The following CELA2A variants were observed in gnomAD, a reference collection of about 807,000 sequenced individuals.
The protein encoded by CELA2A is chymotrypsin like elastase 2A, also known as chymotrypsin-like elastase family member 2A.
In CELA2A, 31 loss-of-function variants were observed where a neutral mutation model predicts 35.3. The ratio of observed to expected loss-of-function variants is 0.88; its 90% CI spans 0.66 to 1.19. CELA2A has a LOEUF of 1.19. CELA2A is among the 50% of genes most tolerant of loss of function. The pLI is 0.00. For missense variants in CELA2A, 330 were observed against 352.9 expected (o/e 0.94, Z 0.52); for synonymous variants, 150 against 149.8 (o/e 1.00, Z -0.01).
intron 6 of CELA2A, 86 bp downstream of exon 6, chr1:15,466,230 C>T: frequency 7.0e-7 from 1 of 1,435,102 alleles, no homozygotes; most frequent in Admixed American, 1.9e-5. Flanking sequence ...ATAGGTCCAT[C>T]CTCCCACCTC....
chr1:15,456,996 T>C, intron 1 of CELA2A, 90 bp from the exon 2 acceptor site: 1 of 1,388,248 alleles, frequency 7.2e-7, no homozygotes, highest in Non-Finnish European at 1.0e-6. Flanking sequence ...AACAAGGGTT[T>C]TCTATTTGGG....
intron 7 of CELA2A, among the ~76,000 whole-genome samples, chr1:15,468,409 A>T (rs72474555): frequency 6.6e-6 from 1 of 152,228 alleles, no homozygotes; most frequent in Non-Finnish European, 1.5e-5. Context: ...GTCTTGTAAA[A>T]GTAAACAACT....
In CELA2A at chr1:15,456,762, G is replaced by A; in HGVS notation, c.9G>A (p.Arg3=). ...ACTCCCACGGACACACCATGATAAG[G>A]ACGCTGCTGCTGTCCACTTTGGTGG... MI[R]TLLLSTLVAG... is the part of the protein sequence containing the mutation. Residue 3 remains arginine (R), a synonymous_variant, in exon 1 of 8, where the codon AGG becomes AGA. Coordinates refer to ENST00000359621, the MANE Select transcript of CELA2A (RefSeq NM_033440.3). The A allele has an allele frequency of 6.2e-7, 1 of 1,614,180 alleles. No homozygotes were observed. The highest frequency in any genetic ancestry group is 8.5e-7 in the Non-Finnish European group (1 of 1,180,020).
At chr1:15,465,890 T>C (rs1557518456) in intron 5 of CELA2A, 109 bp from the exon 6 acceptor site, 7 of 1,306,338 alleles carry the variant, frequency 5.4e-6, no homozygotes, top group South Asian at 2.6e-5. Context: ...GCTGTTCGCA[T>C]GTTGCAATGG....
chr1:15,461,825 T>C (rs1225640604), intron 3 of CELA2A, 167 bp downstream of exon 3: 27 of 803,630 alleles, frequency 3.4e-5, no homozygotes, highest in African/African-American at 8.5e-5. Flanking sequence ...TGTTGGCCCA[T>C]CAATGTCAGT....
chr1:15,466,283 C>G (rs938570532), intron 6 of CELA2A, 139 bp downstream of exon 6: 9 of 1,102,282 alleles, frequency 8.2e-6, no homozygotes, highest in Non-Finnish European at 1.2e-5. Flanking sequence ...ATATCTTTGG[C>G]CAGGCACGGT....
rs367740093 is a variant in CELA2A at position 15,456,805 on chromosome 1, T to C, written c.40+12T>C. 277 of 1,613,880 alleles carry C rather than the reference T, an allele frequency of 1.7e-4. No homozygotes were observed. Among genetic ancestry groups the C allele is most frequent in the Middle Eastern group, 5.0e-4 (3 of 6,058 alleles). On this transcript the variant is annotated intron_variant, in intron 1 of 7. Transcript: ENST00000359621. ...TTTGGTGGCTGGAGGTAAGTCCTGT[T>C]ACCCAGAGGCACTGGTTTCCCATGC... is the stretch of plus-strand genomic sequence containing the variant.
Position 15,462,746 on chromosome 1 carries a change from T to TACC in CELA2A, c.242_244dup (p.Tyr81_Arg82insHis). Reference sequence around the variant, plus strand: ...CCTTTCTCCCAGCTCCTCCAGGACCTACCGCGTGGGGCTGGGCCGGCACAA... The same window carrying TACC: ...CCTTTCTCCCAGCTCCTCCAGGACCTACCACCGCGTGGGGCTGGGCCGGCACAA... On this transcript the variant is annotated inframe_insertion, in exon 4 of 8. Coordinates refer to ENST00000359621, the MANE Select transcript of CELA2A (RefSeq NM_033440.3). 6.2e-7 allele frequency: 1 copy of TACC among 1,614,034 alleles called. No homozygotes were observed. The highest frequency in any genetic ancestry group is 8.5e-7 in the Non-Finnish European group (1 of 1,179,978).
At chr1:15,463,641 G>C in intron 5 of CELA2A, 119 bp downstream of exon 5, 2 of 1,496,048 alleles carry the variant, frequency 1.3e-6, no homozygotes, top group Non-Finnish European at 1.8e-6. Flanking sequence ...TGGAGAGACG[G>C]GATGGCATAG....
At chr1:15,461,441 A>G (rs965420371) in intron 2 of CELA2A, 120 bp from the exon 3 acceptor site, 2 of 980,380 alleles carry the variant, frequency 2.0e-6, no homozygotes, top group African/African-American at 3.2e-5. Context: ...TAAGTTGTGC[A>G]CATGAGGCGA....
chr1:15,457,471 G>A (rs1357630227), intron 2 of CELA2A: 2 of 318,510 alleles, frequency 6.3e-6, no homozygotes, highest in East Asian at 1.3e-4. Context: ...GTAGCCAGGT[G>A]TGGTGGCACA....
In CELA2A at chr1:15,467,417, C is replaced by G; in HGVS notation, c.671C>G (p.Ala224Gly). ...GDSGGPLNCQ[A>G]SDGRWQVHGI... ...TCTGGCGGGCCACTGAACTGTCAGGCGTCTGACGGCCGGTGGCAGGTGCAC... is the reference window on the plus strand; with the variant it reads ...TCTGGCGGGCCACTGAACTGTCAGGGGTCTGACGGCCGGTGGCAGGTGCAC... The change falls in exon 7 of 8, where the codon GCG (alanine) becomes GGG (glycine). Residue 224 changes from alanine to glycine, a missense_variant. Physicochemically the swap from Ala to Gly is moderately conservative, Grantham distance 60 (BLOSUM62 0). Coordinates refer to ENST00000359621, the MANE Select transcript of CELA2A (RefSeq NM_033440.3). The G allele has an allele frequency of 6.8e-6, 11 of 1,613,832 alleles. No individual in the cohort carries two copies. The highest frequency in any genetic ancestry group is 9.3e-6 in the Non-Finnish European group (11 of 1,180,036).
chr1:15,469,089 A>G (rs905311985), intron 7 of CELA2A, among the ~76,000 whole-genome samples: 32 of 152,106 alleles, frequency 2.1e-4, no homozygotes. Context: ...GAGGCAGGGG[A>G]ATCACTTGAA....
intron 5 of CELA2A, chr1:15,465,774 T>G: frequency 1.8e-6 from 1 of 556,290 alleles, no homozygotes; most frequent in Non-Finnish European, 3.2e-6. Flanking sequence ...CGGAATCTCA[T>G]AGACCCCATC....
chr1:15,471,013 T>G lies in CELA2A; in HGVS notation c.793-977T>G, dbSNP rs559673700. On this transcript the variant is annotated intron_variant, in intron 7 of 7. Transcript: ENST00000359621. The stretch of plus-strand genomic sequence containing the variant: ...TCTTCATACTGTTCTGCAGCTGTTT[T>G]TCACTTAACACCTTATCACATTTTA... Among the ~76,000 whole-genome samples, 19 of 152,362 alleles carry G rather than the reference T, an allele frequency of 1.2e-4. 1 individual carries two copies. In the South Asian group the frequency reaches 3.1e-3, roughly 25 times the overall value.
chr1:15,460,588 G>T (rs988711093), intron 2 of CELA2A, among the ~76,000 whole-genome samples: 5 of 151,868 alleles, frequency 3.3e-5, no homozygotes, highest in South Asian at 2.1e-4. Context: ...TGAAGGAACA[G>T]GAAGGGCATG....
Position 15,471,581 on chromosome 1 carries a change from G to A in CELA2A, c.793-409G>A, listed in dbSNP as rs573903748. ...CAAACAAACAAATAAAAAAAAAAAC[G>A]TTTAACAGACACTGATCAACAGCCT... On this transcript the variant is annotated intron_variant, in intron 7 of 7. Coordinates refer to ENST00000359621, the MANE Select transcript of CELA2A (RefSeq NM_033440.3). Among the ~76,000 whole-genome samples, 76 of 151,822 alleles carry A rather than the reference G, an allele frequency of 5.0e-4. 1 individual carries two copies. The highest frequency in any genetic ancestry group is 1.8e-3 in the African/African-American group (74 of 41,410).
intron 7 of CELA2A, among the ~76,000 whole-genome samples, chr1:15,470,220 G>C (rs1250382100): frequency 1.3e-5 from 2 of 152,132 alleles, no homozygotes; most frequent in Non-Finnish European, 2.9e-5. Flanking sequence ...CCTTGCAGTA[G>C]CCCCAACCCA....
chr1:15,457,093 T>C lies in CELA2A; in HGVS notation c.48T>C (p.Ser16=). 2 of 1,614,142 alleles carry C rather than the reference T, an allele frequency of 1.2e-6. No individual in the cohort carries two copies. Among genetic ancestry groups the C allele is most frequent in the South Asian group, 1.1e-5 (1 of 91,086 alleles). The change falls in exon 2 of 8, where the codon AGT becomes AGC. Residue 16 remains serine (S), a synonymous_variant. Transcript: ENST00000359621. The part of the protein sequence containing the change: ...LLSTLVAGAL[S]CGDPTYPPYV... ...CCCTTTCTCTTTTCACAGCCCTCAGTTGTGGGGACCCCACTTACCCACCTT... is the reference window on the plus strand; with the variant it reads ...CCCTTTCTCTTTTCACAGCCCTCAGCTGTGGGGACCCCACTTACCCACCTT...
Sources: gnomAD v4.1 joint callset for allele counts (sites outside exome capture counted in the v4.1 genomes callset) on GRCh38, gnomAD v4.1.1 for gene constraint, MANE v1.5 for transcripts, NCBI Gene and HGNC (gene_info 2026-07-23, HGNC 2026-07-21) for gene names.